CACNA1C: variants seen among roughly 807,000 people sequenced by gnomAD.
CACNA1C encodes the protein voltage-dependent L-type calcium channel subunit alpha-1C.
A neutral mutation model predicts 229.0 loss-of-function variants in CACNA1C; 30 were observed. The observed-to-expected ratio is 0.13, with a 90% CI of 0.10 to 0.18. CACNA1C has a LOEUF of 0.18. Among genes scored for constraint, CACNA1C ranks in the 10% least tolerant of loss-of-function variants. CACNA1C has a pLI of 1.00. For missense variants in CACNA1C, 1,658 were observed against 2,845.0 expected, an observed-to-expected ratio of 0.58 and a Z score of 9.49; for synonymous variants, 1,114 against 1,132.5, an observed-to-expected ratio of 0.98 and a Z score of 0.33.
intron 1 of CACNA1C, among the ~76,000 whole-genome samples, chr12:2,000,558 C>A (rs969125268): frequency 6.6e-6 from 1 of 151,804 alleles, no homozygotes; most frequent in East Asian, 1.9e-4. Context: ...AAATTAATCT[C>A]TAACTTATAA....
chr12:2,690,815 C>T, intron 46 of CACNA1C, 85 bp from the exon 47 acceptor site: 1 of 1,336,744 alleles, frequency 7.5e-7, no homozygotes, highest in Non-Finnish European at 1.0e-6. Context: ...ACCAGATACC[C>T]CCTCGCTCTA....
At chr12:2,077,001 C>G (rs2063455727) in intron 1 of CACNA1C, among the ~76,000 whole-genome samples, 2 of 152,266 alleles carry the variant, frequency 1.3e-5, no homozygotes, top group Non-Finnish European at 2.9e-5. Context: ...GCTGGGCTCA[C>G]TAGCTGTGGC....
chr12:2,588,500 T>G (rs1272112489), intron 18 of CACNA1C, among the ~76,000 whole-genome samples: 1 of 152,246 alleles, frequency 6.6e-6, no homozygotes, highest in East Asian at 1.9e-4. Context: ...CCCAAAGTGA[T>G]GTATCAGAGT....
At chr12:2,258,738 C>T (rs1196979923) in intron 3 of CACNA1C, among the ~76,000 whole-genome samples, 6 of 152,144 alleles carry the variant, frequency 3.9e-5, no homozygotes, top group Middle Eastern at 3.2e-3. Flanking sequence ...TATTTTAAGA[C>T]GCCTGAATAT....
chr12:2,407,072 C>A (rs1239353149), intron 3 of CACNA1C, among the ~76,000 whole-genome samples: 2 of 152,262 alleles, frequency 1.3e-5, no homozygotes, highest in Admixed American at 1.3e-4. Context: ...TCTGCTGATA[C>A]CACCCTGGCT....
intron 5 of CACNA1C, among the ~76,000 whole-genome samples, chr12:2,459,449 A>G (rs978375164): frequency 6.6e-6 from 1 of 152,156 alleles, no homozygotes; most frequent in Non-Finnish European, 1.5e-5. Context: ...AATAAGCAAA[A>G]GAAAGAGTTT....
chr12:2,250,567 T>C (rs145521499), intron 3 of CACNA1C, among the ~76,000 whole-genome samples: 450 of 152,272 alleles, frequency 3.0e-3, no homozygotes, highest in African/African-American at 0.01. Flanking sequence ...GTAGCTGAAG[T>C]GGAGAGAGAC....
intron 3 of CACNA1C, among the ~76,000 whole-genome samples, chr12:2,159,458 T>A (rs2095721240): frequency 6.6e-6 from 1 of 152,140 alleles, no homozygotes; most frequent in Non-Finnish European, 1.5e-5. Context: ...GAGCTGTGAT[T>A]GTACCAGCCT....
Position 2,275,764 on chromosome 12 carries a change from AGCACT to A in CACNA1C, c.477+155336_477+155340del, listed in dbSNP as rs143924297. Among the ~76,000 whole-genome samples, 1 of 150,766 alleles carries A rather than the reference AGCACT, an allele frequency of 6.6e-6. No homozygotes were observed. Among genetic ancestry groups the A allele is most frequent in the African/African-American group, 2.5e-5 (1 of 40,070 alleles). ...GAAGCATAGGTGGGAGAAGACAGCC[AGCACT>A]GTAGAGTGGGGAGGGCTCAGTGCTT... On this transcript the variant is annotated intron_variant, in intron 3 of 46. Coordinates refer to ENST00000399655, the MANE Select transcript of CACNA1C (RefSeq NM_000719.7). The surrounding 1 kb of genome is among the most constrained non-coding windows in gnomAD (Gnocchi z 4.1).
At chr12:2,292,001 T>C (rs2093565436) in intron 3 of CACNA1C, among the ~76,000 whole-genome samples, 1 of 152,210 alleles carries the variant, frequency 6.6e-6, no homozygotes, top group Admixed American at 6.5e-5. Context: ...TTGGGCTTAA[T>C]GACCTGCCCA....
intron 1 of CACNA1C, among the ~76,000 whole-genome samples, chr12:2,036,425 C>A (rs895895149): frequency 6.6e-6 from 1 of 152,180 alleles, no homozygotes; most frequent in Non-Finnish European, 1.5e-5. Flanking sequence ...AATGAACACC[C>A]AGCAGAGGGC....
intron 29 of CACNA1C, chr12:2,614,099 C>A (rs991421816): frequency 1.3e-5 from 2 of 152,148 alleles, no homozygotes; most frequent in East Asian, 3.9e-4. Flanking sequence ...CTCCGTCCTC[C>A]GTCTAAAAGA....
chr12:2,555,306 G>T (rs1423980194), intron 10 of CACNA1C, among the ~76,000 whole-genome samples: 4 of 152,236 alleles, frequency 2.6e-5, no homozygotes, highest in Admixed American at 2.6e-4. Flanking sequence ...CAAAGGGCCG[G>T]TGGTCGTCAT....
Position 2,326,685 on chromosome 12 carries a change from C to A in CACNA1C, c.478-122291C>A, listed in dbSNP as rs374643394. Among the ~76,000 whole-genome samples, 20 of 152,306 alleles carry A rather than the reference C, an allele frequency of 1.3e-4. No homozygotes were observed. The South Asian group carries it at 3.9e-3, about 30-fold the overall frequency. On this transcript the variant is annotated intron_variant, in intron 3 of 46. Transcript: ENST00000399655. Reference sequence around the variant, plus strand: ...TGGCATTGTTTTTGGCCTTGAGGGCCCAGCCTGTATTTCACCCTGTTCTCA... The same window carrying A: ...TGGCATTGTTTTTGGCCTTGAGGGCACAGCCTGTATTTCACCCTGTTCTCA...
chr12:2,033,244 G>A (rs894364818), intron 1 of CACNA1C, among the ~76,000 whole-genome samples: 5 of 152,086 alleles, frequency 3.3e-5, no homozygotes, highest in Non-Finnish European at 5.9e-5. Flanking sequence ...TGTCCAGCTG[G>A]GTCCTCTTTC....
intron 3 of CACNA1C, among the ~76,000 whole-genome samples, chr12:2,155,688 T>A (rs980232469): frequency 6.6e-6 from 1 of 152,110 alleles, no homozygotes; most frequent in East Asian, 1.9e-4. Context: ...TTAGAAGACA[T>A]CACCAATTCA....
At chr12:2,652,801 G>A (rs749161301) in intron 32 of CACNA1C, among the ~76,000 whole-genome samples, 3 of 152,242 alleles carry the variant, frequency 2.0e-5, no homozygotes, top group East Asian at 1.9e-4. Context: ...CTGGGGATTC[G>A]GAATAGTAGA....
intron 9 of CACNA1C, among the ~76,000 whole-genome samples, chr12:2,513,698 C>A (rs2239102): frequency 1.3e-5 from 2 of 152,060 alleles, no homozygotes; most frequent in Non-Finnish European, 2.9e-5. Flanking sequence ...CAGGCTCTTA[C>A]CAGACTAGCT....
intron 5 of CACNA1C, among the ~76,000 whole-genome samples, chr12:2,475,076 G>T (rs2099617908): frequency 6.6e-6 from 1 of 152,106 alleles, no homozygotes; most frequent in African/African-American, 2.4e-5. Flanking sequence ...GAGGCAGGCG[G>T]ATCACGAGGT....
Sources: allele counts gnomAD v4.1 joint callset (sites outside exome capture counted in the v4.1 genomes callset), GRCh38; gene constraint gnomAD v4.1.1; non-coding constraint Gnocchi (gnomAD v3.1); transcripts MANE v1.5; gene names NCBI Gene and HGNC (gene_info 2026-07-23, HGNC 2026-07-21).